The following ZBTB16 variants were observed in gnomAD, a reference collection of about 807,000 sequenced individuals.
The protein encoded by ZBTB16 is zinc finger and BTB domain containing 16.
In ZBTB16, 8 loss-of-function variants were observed where a neutral mutation model predicts 56.8. The observed-to-expected ratio is 0.14, with a 90% CI of 0.08 to 0.25. The LOEUF (loss-of-function observed/expected upper bound fraction) is 0.25, where lower values mean the gene tolerates loss of function less well. Among genes scored for constraint, ZBTB16 ranks in the 10% least tolerant of loss-of-function variants. ZBTB16 has a pLI of 1.00. For missense variants in ZBTB16, 625 were observed against 903.0 expected, an observed-to-expected ratio of 0.69 and a Z score of 3.95; for synonymous variants, 363 against 368.5, an observed-to-expected ratio of 0.98 and a Z score of 0.17.
At chr11:114,096,994 C>T (rs746705966) in intron 2 of ZBTB16, among the ~76,000 whole-genome samples, 5 of 152,162 alleles carry the variant, frequency 3.3e-5, no homozygotes, top group African/African-American at 4.8e-5. Context: ...GATATTTGCA[C>T]ACCCATGTTC....
Position 114,063,670 on chromosome 11 carries a change from A to G in ZBTB16, c.370A>G (p.Thr124Ala). The change falls in exon 2 of 7, where the codon ACC becomes GCC. Residue 124 changes from threonine (T) to alanine (A), a missense_variant. By Grantham distance (58) the Thr-to-Ala change is moderately conservative. This residue lies in a region of ZBTB16 where 384 missense variants were observed against 393.5 expected (regional missense o/e 0.98). Transcript: ENST00000335953. The surrounding 1 kb of genome is among the most constrained non-coding windows in gnomAD (Gnocchi z 6.5). ...GGAACAGTGCCTGAAGATGCTGGAGACCATCCAGGCCTCAGACGACAATGA... is the reference window on the plus strand; with the variant it reads ...GGAACAGTGCCTGAAGATGCTGGAGGCCATCCAGGCCTCAGACGACAATGA... ...LEEQCLKMLE[T>A]IQASDDNDTE... The G allele has an allele frequency of 6.2e-7, 1 of 1,614,022 alleles. No individual in the cohort carries two copies. The highest frequency in any genetic ancestry group is 1.3e-5 in the African/African-American group (1 of 75,028).
At chr11:114,214,829 T>C (rs1393514546) in intron 4 of ZBTB16, among the ~76,000 whole-genome samples, 2 of 152,142 alleles carry the variant, frequency 1.3e-5, no homozygotes, top group Non-Finnish European at 2.9e-5. Flanking sequence ...TGGTGGTTTG[T>C]TTGTTTGTTT....
intron 2 of ZBTB16, among the ~76,000 whole-genome samples, chr11:114,131,414 G>GT (rs1482234944): frequency 2.0e-5 from 3 of 152,080 alleles, no homozygotes; most frequent in Non-Finnish European, 2.9e-5. Context: ...TGTTTTCTCT[G>GT]TTTTTTTCTT....
At chr11:114,114,634 T>G (rs1941115615) in intron 2 of ZBTB16, among the ~76,000 whole-genome samples, 1 of 152,122 alleles carries the variant, frequency 6.6e-6, no homozygotes, top group Admixed American at 6.6e-5. Flanking sequence ...TAGCTCTGAG[T>G]TGATTTGCAT....
At chr11:114,079,218 T>C (rs74580811) in intron 2 of ZBTB16, among the ~76,000 whole-genome samples, 1,822 of 152,304 alleles carry the variant, frequency 0.012, 35 homozygotes, top group African/African-American at 0.04. Flanking sequence ...CCCTGTTTAC[T>C]TTTCTTTTGA....
chr11:114,233,085 A>G (rs60674015), intron 4 of ZBTB16, among the ~76,000 whole-genome samples: 9,340 of 69,630 alleles, frequency 0.13, 632 homozygotes, highest in African/African-American at 0.19. Flanking sequence ...GCGCGCGCAC[A>G]CACACACACA....
In ZBTB16 at chr11:114,161,323, A is replaced by G. The variant is rs150805886; in HGVS notation, c.1366+4889A>G. Among the ~76,000 whole-genome samples the G allele has an allele frequency of 3.4e-3, 517 of 152,270 alleles. 2 individuals carry two copies. The highest frequency in any genetic ancestry group is 0.015 in the South Asian group (73 of 4,820). On this transcript the variant is annotated intron_variant, in intron 3 of 6. Transcript: ENST00000335953. Reference sequence around the variant, plus strand: ...TTGAGTATTCATGTGGCCTGCTCCTATTCTGGGAGTGTCATTCATTTTTGG... The same window carrying G: ...TTGAGTATTCATGTGGCCTGCTCCTGTTCTGGGAGTGTCATTCATTTTTGG...
chr11:114,083,962 A>G (rs995875124), intron 2 of ZBTB16, among the ~76,000 whole-genome samples: 2 of 152,094 alleles, frequency 1.3e-5, no homozygotes, highest in Non-Finnish European at 1.5e-5. Flanking sequence ...TCACTGTTTC[A>G]TCTGATCACA....
intron 2 of ZBTB16, among the ~76,000 whole-genome samples, chr11:114,136,096 G>A (rs1478058275): frequency 6.6e-6 from 1 of 152,102 alleles, no homozygotes; most frequent in Non-Finnish European, 1.5e-5. Context: ...CATTAGGCTT[G>A]GACTCTAGCA....
At chr11:114,105,454 G>C (rs977435342) in intron 2 of ZBTB16, among the ~76,000 whole-genome samples, 5 of 152,092 alleles carry the variant, frequency 3.3e-5, no homozygotes, top group African/African-American at 4.8e-5. Context: ...TGGCCAGGCT[G>C]GTCTCAAACT....
At position 114,254,182 on chromosome 11, in the gene ZBTB16, G is replaced by GATAGAT. The variant is rs1350424993; in HGVS notation, c.*3630_*3631insGATATA. Among the ~76,000 whole-genome samples the GATAGAT allele has an allele frequency of 1.3e-5, 2 of 149,530 alleles. No individual in the cohort carries two copies. The highest frequency in any genetic ancestry group is 2.5e-5 in the African/African-American group (1 of 40,738). On this transcript the variant is annotated 3_prime_UTR_variant, in exon 7 of 7. Transcript: ENST00000335953. ...GGATAGACAAATATATAGATATATA[G>GATAGAT]ATATATATATATATAGCAAGAGATT...
chr11:114,242,670 C>T (rs1944734411), intron 5 of ZBTB16, among the ~76,000 whole-genome samples: 2 of 152,156 alleles, frequency 1.3e-5, no homozygotes, highest in Non-Finnish European at 2.9e-5. Context: ...CCAAGGGATT[C>T]TCATGTAGGT....
chr11:114,117,643 C>G (rs1467257853), intron 2 of ZBTB16, among the ~76,000 whole-genome samples: 2 of 152,090 alleles, frequency 1.3e-5, no homozygotes, highest in East Asian at 3.9e-4. Flanking sequence ...ACCAAAGTCT[C>G]TCTTTTGGAC....
intron 2 of ZBTB16, among the ~76,000 whole-genome samples, chr11:114,107,832 C>T (rs1940852589): frequency 1.3e-5 from 2 of 151,866 alleles, no homozygotes; most frequent in Admixed American, 1.3e-4. Flanking sequence ...GTGCAGTCTA[C>T]ATTTTTTGTT....
At chr11:114,069,770 C>G (rs983475290) in intron 2 of ZBTB16, among the ~76,000 whole-genome samples, 1 of 152,172 alleles carries the variant, frequency 6.6e-6, no homozygotes, top group African/African-American at 2.4e-5. Context: ...ATTAATAATA[C>G]CTTTTATCGG....
intron 3 of ZBTB16, among the ~76,000 whole-genome samples, chr11:114,173,122 A>G (rs921587777): frequency 4.6e-5 from 7 of 152,226 alleles, no homozygotes; most frequent in African/African-American, 1.7e-4. Context: ...AAGGCAAGCC[A>G]ATGAGTGTCA....
At chr11:114,186,531 A>C (rs531444940) in intron 3 of ZBTB16, among the ~76,000 whole-genome samples, 2 of 152,268 alleles carry the variant, frequency 1.3e-5, no homozygotes, top group South Asian at 4.1e-4. Context: ...GTCCCCATGG[A>C]CATCCAGGTT....
At chr11:114,154,026 C>A (rs681200) in intron 2 of ZBTB16, among the ~76,000 whole-genome samples, 127,170 of 152,152 alleles carry the variant, frequency 0.84, 53,823 homozygotes, top group African/African-American at 0.94. Context: ...CAGTTGGCCA[C>A]GATAAGCCAC....
chr11:114,192,595 G>A (rs1021295078), intron 4 of ZBTB16, among the ~76,000 whole-genome samples: 2 of 152,222 alleles, frequency 1.3e-5, no homozygotes, highest in Non-Finnish European at 2.9e-5. Flanking sequence ...CTTTGGTCTG[G>A]AGGGGCCTTG....
Sources: gnomAD v4.1 joint callset for allele counts (sites outside exome capture counted in the v4.1 genomes callset) on GRCh38, gnomAD v4.1.1 for gene constraint, gnomAD v4.1.1 regional missense constraint, Gnocchi (gnomAD v3.1) non-coding constraint, MANE v1.5 for transcripts, NCBI Gene and HGNC (gene_info 2026-07-23, HGNC 2026-07-21) for gene names.